The following MTF1 variants were observed in gnomAD, a reference collection of about 807,000 sequenced individuals.
The protein encoded by MTF1 is MRE-binding transcription factor.
In MTF1, 22 loss-of-function variants were observed where a neutral mutation model predicts 70.4. That is an observed-to-expected ratio of 0.31 (90% confidence interval 0.22 to 0.45). The LOEUF is 0.45. Ranked by LOEUF, MTF1 falls within the 20% of genes least tolerant of loss-of-function variation. The pLI is 1.00. For synonymous variants in MTF1, 333 were observed against 352.8 expected (o/e 0.94, Z 0.63); for missense variants, 649 against 922.0 (o/e 0.70, Z 3.83).
intron 2 of MTF1, among the ~76,000 whole-genome samples, chr1:37,847,659 C>T (rs544871208): frequency 2.6e-5 from 4 of 152,254 alleles, no homozygotes; most frequent in Admixed American, 6.5e-5. Context: ...ATCCACAGAA[C>T]GCCTGCAGGG....
chr1:37,838,794 ATT>A, intron 3 of MTF1, 38 bp from the exon 4 acceptor site: 4 of 501,750 alleles, frequency 8.0e-6, no homozygotes, highest in African/African-American at 4.9e-5. Context: ...TTGTCATAAA[ATT>A]CTTTTTTTTT....
chr1:37,815,442 G>C lies in MTF1; in HGVS notation c.1956C>G (p.Gly652=). ...AKERASSRRK[G]CSSPPPPEPS... is the part of the protein sequence containing the mutation. Reference sequence around the variant, plus strand: ...GCTCTGGAGGGGGTGGGGAGGAGCAGCCCTTTCTCCTGCTGGATGCCCGCT... The same window carrying C: ...GCTCTGGAGGGGGTGGGGAGGAGCACCCCTTTCTCCTGCTGGATGCCCGCT... Residue 652 remains glycine (G), a synonymous_variant, in exon 11 of 11, where the codon GGC becomes GGG. Coordinates refer to ENST00000373036, the MANE Select transcript of MTF1 (RefSeq NM_005955.3). The surrounding 1 kb of genome is among the most constrained non-coding windows in gnomAD (Gnocchi z 4.5). 1 of 1,610,848 alleles carries C rather than the reference G, an allele frequency of 6.2e-7. No homozygotes were observed. The highest frequency in any genetic ancestry group is 8.5e-7 in the Non-Finnish European group (1 of 1,178,194).
At chr1:37,823,348 T>C (rs1180074495) in intron 8 of MTF1, among the ~76,000 whole-genome samples, 2 of 150,848 alleles carry the variant, frequency 1.3e-5, no homozygotes, top group Non-Finnish European at 3.0e-5. Flanking sequence ...GAGGCTGAGG[T>C]GGGAGGATCA....
At chr1:37,818,238 C>T (rs1640849609) in intron 9 of MTF1, among the ~76,000 whole-genome samples, 1 of 152,122 alleles carries the variant, frequency 6.6e-6, no homozygotes, top group East Asian at 1.9e-4. Flanking sequence ...AATTAATTCA[C>T]TCATGGATTA....
intron 6 of MTF1, among the ~76,000 whole-genome samples, chr1:37,833,269 C>T (rs192907170): frequency 1.3e-5 from 2 of 152,270 alleles, no homozygotes; most frequent in Admixed American, 6.5e-5. Flanking sequence ...GATGCTCAGA[C>T]AGTAGGAATC....
intron 7 of MTF1, chr1:37,828,144 C>T: frequency 2.6e-6 from 1 of 390,142 alleles, no homozygotes; most frequent in Non-Finnish European, 4.9e-6. Flanking sequence ...CACACATAAA[C>T]AAGTATATGA....
intron 9 of MTF1, among the ~76,000 whole-genome samples, chr1:37,821,747 G>A (rs1184756378): frequency 6.6e-6 from 1 of 152,156 alleles, no homozygotes; most frequent in Non-Finnish European, 1.5e-5. Context: ...ATCTGACTGG[G>A]TCACATCAGT....
chr1:37,853,563 C>T (rs962976293), intron 2 of MTF1, among the ~76,000 whole-genome samples: 45 of 152,210 alleles, frequency 3.0e-4, no homozygotes, highest in African/African-American at 1.1e-3. Context: ...AAAAAGTGTG[C>T]TGACTCTGTT....
chr1:37,849,196 C>T (rs899443874), intron 2 of MTF1, among the ~76,000 whole-genome samples: 1 of 152,114 alleles, frequency 6.6e-6, no homozygotes, highest in Non-Finnish European at 1.5e-5. Context: ...GAGGCCAAGG[C>T]GGGTGGATCA....
rs766917156 is a variant in MTF1, at chr1:37,857,597, G to A, written c.62C>T (p.Thr21Ile). ...AAACCTGAGCATTTTATCATCGGGG[G>A]TCAGCTCATCTTCCTCTGCCTCAAA... The part of the protein sequence containing the change: ...IYFEAEEDEL[T>I]PDDKMLRFVD... Residue 21 changes from threonine (T) to isoleucine (I), a missense_variant, in exon 2 of 11, where the codon ACC (threonine) becomes ATC (isoleucine). Physicochemically the swap from Thr to Ile is moderately conservative, Grantham distance 89. Around this residue, in one of 7 missense-constraint regions of MTF1, gnomAD observed 34 missense variants for 38.7 expected, o/e 0.88. Transcript: ENST00000373036. 12 of 1,614,094 alleles carry A rather than the reference G, an allele frequency of 7.4e-6. No homozygotes were observed. The highest frequency in any genetic ancestry group is 1.0e-5 in the Non-Finnish European group (12 of 1,180,012).
At chr1:37,819,941 G>A (rs1640884543) in intron 9 of MTF1, among the ~76,000 whole-genome samples, 1 of 95,794 alleles carries the variant, frequency 1.0e-5, no homozygotes, top group Non-Finnish European at 1.9e-5. Context: ...AACAGAGCAA[G>A]ACTCTGACTC....
chr1:37,859,352 G>C (rs1641563592), intron 1 of MTF1, among the ~76,000 whole-genome samples, 179 bp downstream of exon 1: 1 of 152,124 alleles, frequency 6.6e-6, no homozygotes, highest in Non-Finnish European at 1.5e-5. Flanking sequence ...GCAGGGTCCG[G>C]GTCTCCATGG....
intron 4 of MTF1, among the ~76,000 whole-genome samples, chr1:37,836,811 T>C (rs1037832248): frequency 6.6e-6 from 1 of 152,218 alleles, no homozygotes; most frequent in African/African-American, 2.4e-5. Context: ...TTTTCATTTT[T>C]AATTACATGC....
intron 8 of MTF1, 144 bp downstream of exon 8, chr1:37,823,566 T>C (rs771065041): frequency 3.7e-6 from 2 of 535,148 alleles, no homozygotes; most frequent in Non-Finnish European, 6.7e-6. Context: ...GGGGAAAAGA[T>C]GGAATTAAAC....
chr1:37,832,686 T>A (rs565782886), intron 6 of MTF1, among the ~76,000 whole-genome samples: 3 of 152,208 alleles, frequency 2.0e-5, no homozygotes, highest in African/African-American at 7.2e-5. Context: ...TACAAGAATA[T>A]CTTACATTTC....
intron 10 of MTF1, among the ~76,000 whole-genome samples, chr1:37,816,740 T>C (rs1327290093): frequency 2.0e-5 from 3 of 151,280 alleles, no homozygotes; most frequent in African/African-American, 7.3e-5. Context: ...AGCATGCCTA[T>C]GGTCCCAGCT....
At chr1:37,857,180 A>G in intron 2 of MTF1, 71 bp downstream of exon 2, 1 of 1,506,306 alleles carries the variant, frequency 6.6e-7, no homozygotes, top group Non-Finnish European at 9.0e-7. Context: ...CCCCAGCTAA[A>G]ATTTGCACCA....
At position 37,818,409 on chromosome 1, in the gene MTF1, T is replaced by C. The variant is rs541241088; in HGVS notation, c.1768-927A>G. Among the ~76,000 whole-genome samples the C allele has an allele frequency of 5.3e-5, 8 of 152,266 alleles. No homozygotes were observed. The South Asian group carries it at 1.2e-3, about 24-fold the overall frequency. Reference sequence around the variant, plus strand: ...CCCAGCCTGGAACATAGTGAAATTCTCTCTCTTAAAAAAGGCCAGGCGCAG... The same window carrying C: ...CCCAGCCTGGAACATAGTGAAATTCCCTCTCTTAAAAAAGGCCAGGCGCAG... On this transcript the variant is annotated intron_variant, in intron 9 of 10. Coordinates refer to ENST00000373036, the MANE Select transcript of MTF1 (RefSeq NM_005955.3).
At chr1:37,839,808 C>T (rs762993814) in intron 3 of MTF1, 112 bp downstream of exon 3, 53 of 820,172 alleles carry the variant, frequency 6.5e-5, no homozygotes, top group African/African-American at 1.9e-4. Flanking sequence ...AACACAGCTG[C>T]GCTCTTTTAA....
Sources: gnomAD v4.1 joint callset for allele counts (sites outside exome capture counted in the v4.1 genomes callset) on GRCh38, gnomAD v4.1.1 for gene constraint, gnomAD v4.1.1 regional missense constraint, Gnocchi (gnomAD v3.1) non-coding constraint, MANE v1.5 for transcripts, NCBI Gene and HGNC (gene_info 2026-07-23, HGNC 2026-07-21) for gene names.